The following MAP1S variants were observed in gnomAD, a reference collection of about 807,000 sequenced individuals.
MAP1S encodes microtubule associated protein 1S.
Under a neutral mutation model 60.9 loss-of-function variants are expected in MAP1S, and 27 were observed. The observed-to-expected ratio is 0.44, with a 90% CI of 0.33 to 0.61. MAP1S has a LOEUF of 0.61. Among genes scored for constraint, MAP1S ranks in the 20% least tolerant of loss-of-function variants. The pLI is 0.03. For synonymous variants in MAP1S, 826 were observed against 694.2 expected (o/e 1.19, Z -2.98); for missense variants, 1,608 against 1,486.6 (o/e 1.08, Z -1.34).
Position 17,727,798 on chromosome 19 carries a change from G to C in MAP1S, c.2414G>C (p.Gly805Ala), listed in dbSNP as rs1038950777. ...SDSDPVPLAP[G>A]AADSDEDTEG... ...TCGGATCCCGTGCCCCTGGCCCCCGGTGCGGCAGACTCAGACGAAGACACA... is the reference window on the plus strand; with the variant it reads ...TCGGATCCCGTGCCCCTGGCCCCCGCTGCGGCAGACTCAGACGAAGACACA... The change falls in exon 5 of 7, where the codon GGT becomes GCT. Residue 805 changes from glycine to alanine, a missense_variant. This residue lies in a region of MAP1S where 1,167 missense variants were observed against 961.4 expected (regional missense o/e 1.21). Coordinates refer to ENST00000324096, the MANE Select transcript of MAP1S (RefSeq NM_018174.6). This position sits in a 1 kb window ranked among gnomAD's most constrained non-coding sequence, Gnocchi z 4.1. The C allele has an allele frequency of 6.2e-7, 1 of 1,612,302 alleles. No homozygotes were observed. Among genetic ancestry groups the C allele is most frequent in the Non-Finnish European group, 8.5e-7 (1 of 1,179,476 alleles).
Position 17,727,469 on chromosome 19 carries a change from C to A in MAP1S, c.2085C>A (p.Asp695Glu). 6.2e-7 allele frequency: 1 copy of A among 1,608,250 alleles called. No homozygotes were observed. Among genetic ancestry groups the A allele is most frequent in the Non-Finnish European group, 8.5e-7 (1 of 1,177,876 alleles). ...EVGSPHSTEV[D>E]ESLSVSFEQV... ...GCTCCCCGCACTCGACCGAGGTGGACGAGTCCCTGTCGGTGTCCTTTGAGC... is the reference window on the plus strand; with the variant it reads ...GCTCCCCGCACTCGACCGAGGTGGAAGAGTCCCTGTCGGTGTCCTTTGAGC... Residue 695 changes from aspartate to glutamate, a missense_variant, in exon 5 of 7, where the codon GAC becomes GAA. Transcript: ENST00000324096. The surrounding 1 kb of genome is among the most constrained non-coding windows in gnomAD (Gnocchi z 4.1).
In MAP1S at chr19:17,729,566, C is replaced by T. The variant is rs560624447; in HGVS notation, c.2788+1394C>T. 1.2e-4 allele frequency among the ~76,000 whole-genome samples: 18 copies of T among 151,650 alleles called. No homozygotes were observed. In the South Asian group the frequency reaches 2.3e-3, roughly 19 times the overall value. On this transcript the variant is annotated intron_variant, in intron 5 of 6. Coordinates refer to ENST00000324096, the MANE Select transcript of MAP1S (RefSeq NM_018174.6). Reference sequence around the variant, plus strand: ...TGTCATCCAGGCTGGAGTGCAGTGGCGCAAACATGGCTCACTGCAGCCTCG... The same window carrying T: ...TGTCATCCAGGCTGGAGTGCAGTGGTGCAAACATGGCTCACTGCAGCCTCG...
intron 2 of MAP1S, 179 bp downstream of exon 2, chr19:17,721,216 G>C: frequency 1.6e-6 from 1 of 631,098 alleles, no homozygotes; most frequent in South Asian, 1.7e-5. Flanking sequence ...GCAACCCACA[G>C]TGCAGGAACT....
rs540976741 is a variant in MAP1S, at chr19:17,727,702, G to C, written c.2318G>C (p.Arg773Pro). The change falls in exon 5 of 7, where the codon CGG becomes CCG. Residue 773 changes from arginine to proline, a missense_variant. Physicochemically the swap from Arg to Pro is moderately radical, Grantham distance 103. Around this residue, in one of 4 missense-constraint regions of MAP1S, gnomAD observed 1,167 missense variants for 961.4 expected, o/e 1.21. Coordinates refer to ENST00000324096, the MANE Select transcript of MAP1S (RefSeq NM_018174.6). The surrounding 1 kb of genome is among the most constrained non-coding windows in gnomAD (Gnocchi z 4.1). The stretch of plus-strand genomic sequence containing the variant: ...GACAGCAGTGCCCGGTCACAGGAAC[G>C]GGCAGGTGGGCTGGGGGCCGAGGAG... ...SNDSSARSQE[R>P]AGGLGAEETP... 1.2e-6 allele frequency: 2 copies of C among 1,608,384 alleles called. No individual in the cohort carries two copies. The highest frequency in any genetic ancestry group is 1.7e-6 in the Non-Finnish European group (2 of 1,178,542).
chr19:17,727,145 A>C lies in MAP1S; in HGVS notation c.1761A>C (p.Arg587=). 2 of 1,590,602 alleles carry C rather than the reference A, an allele frequency of 1.3e-6. No homozygotes were observed. Among genetic ancestry groups the C allele is most frequent in the East Asian group, 4.6e-5 (2 of 43,868 alleles). The change falls in exon 5 of 7, where the codon CGA becomes CGC. Residue 587 remains arginine, a synonymous_variant. Transcript: ENST00000324096. The surrounding 1 kb of genome is among the most constrained non-coding windows in gnomAD (Gnocchi z 4.1). The part of the protein sequence containing the change: ...ANGPRSPPSL[R]CGEASPPSAA... ...GACCCCGCAGCCCGCCCAGCCTCCG[A>C]TGTGGAGAAGCCAGCCCCCCCAGTG... is the stretch of plus-strand genomic sequence containing the variant.
At position 17,726,417 on chromosome 19, in the gene MAP1S, G is replaced by A. The variant is rs1378788814; in HGVS notation, c.1033G>A (p.Ala345Thr). Residue 345 changes from alanine to threonine, a missense_variant, in exon 5 of 7, where the codon GCG becomes ACG. Physicochemically the swap from Ala to Thr is moderately conservative, Grantham distance 58. This residue lies in a region of MAP1S where 1,167 missense variants were observed against 961.4 expected (regional missense o/e 1.21). Coordinates refer to ENST00000324096, the MANE Select transcript of MAP1S (RefSeq NM_018174.6). ...GVVFFNACEA[A>T]SRLARGEDEA... is the part of the protein sequence containing the mutation. ...CGTGTTCTTCAACGCCTGCGAGGCC[G>A]CGTCGCGGCTGGCGCGCGGCGAGGA... 18 of 1,572,162 alleles carry A rather than the reference G, an allele frequency of 1.1e-5. No individual in the cohort carries two copies. The highest frequency in any genetic ancestry group is 1.3e-5 in the Non-Finnish European group (15 of 1,166,298).
rs890207617 is a variant in MAP1S, at chr19:17,727,104, C to T, written c.1720C>T (p.Pro574Ser). Reference sequence around the variant, plus strand: ...GCCCAGCACGTCCCACTCTGGCTTCCCGCCGGTGGCAAATGGACCCCGCAG... The same window carrying T: ...GCCCAGCACGTCCCACTCTGGCTTCTCGCCGGTGGCAAATGGACCCCGCAG... The part of the protein sequence containing the change: ...KAPSTSHSGF[P>S]PVANGPRSPP... Residue 574 changes from proline to serine, a missense_variant, in exon 5 of 7, where the codon CCG becomes TCG. Physicochemically the swap from Pro to Ser is moderately conservative, Grantham distance 74. Coordinates refer to ENST00000324096, the MANE Select transcript of MAP1S (RefSeq NM_018174.6). This position sits in a 1 kb window ranked among gnomAD's most constrained non-coding sequence, Gnocchi z 4.1. The T allele has an allele frequency of 6.2e-7, 1 of 1,601,112 alleles. No individual in the cohort carries two copies. Among genetic ancestry groups the T allele is most frequent in the Admixed American group, 1.7e-5 (1 of 59,188 alleles).
chr19:17,724,063 T>C (rs1032220523), intron 2 of MAP1S, 63 bp from the exon 3 acceptor site: 77 of 1,346,392 alleles, frequency 5.7e-5, no homozygotes, highest in Non-Finnish European at 8.0e-5. Flanking sequence ...GAGGGGTTCA[T>C]GTTCCCTGAG....
chr19:17,720,560 A>C (rs1336049582), intron 1 of MAP1S: 1 of 1,435,416 alleles, frequency 7.0e-7, no homozygotes, highest in African/African-American at 1.4e-5. Context: ...GAAGGTGCTG[A>C]GGGGGAAGGG....
At position 17,725,081 on chromosome 19, in the gene MAP1S, C is replaced by A; in HGVS notation, c.336C>A (p.His112Gln). Residue 112 changes from histidine (H) to glutamine (Q), a missense_variant, in exon 4 of 7, where the codon CAC (histidine) becomes CAA (glutamine). Physicochemically the swap from His to Gln is conservative, Grantham distance 24. This residue lies in a region of MAP1S where 320 missense variants were observed against 393.1 expected (regional missense o/e 0.81). Coordinates refer to ENST00000324096, the MANE Select transcript of MAP1S (RefSeq NM_018174.6). This position sits in a 1 kb window ranked among gnomAD's most constrained non-coding sequence, Gnocchi z 4.2. ...LRNLLLDPAS[H>Q]KLLVLAGPCL... The stretch of plus-strand genomic sequence containing the variant: ...ACCTTCTGTTGGACCCTGCCTCTCA[C>A]AAGCTACTGGTGTTGGCTGGGCCCT... 6.2e-7 allele frequency: 1 copy of A among 1,614,194 alleles called. No individual in the cohort carries two copies. The highest frequency in any genetic ancestry group is 8.5e-7 in the Non-Finnish European group (1 of 1,180,036).
chr19:17,726,788 G>T lies in MAP1S; in HGVS notation c.1404G>T (p.Gly468=). Residue 468 remains glycine, a synonymous_variant, in exon 5 of 7, where the codon GGG becomes GGT. Coordinates refer to ENST00000324096, the MANE Select transcript of MAP1S (RefSeq NM_018174.6). ...CGCCCCAGGACCTGGAGGGGCCGGG[G>T]CGAGCCGAGAGCAAAGAGAGCGTGG... ...VVTPQDLEGP[G]RAESKESVGS... The T allele has an allele frequency of 6.4e-7, 1 of 1,556,938 alleles. No homozygotes were observed.
chr19:17,727,273 C>T lies in MAP1S; in HGVS notation c.1889C>T (p.Ala630Val). ...EEKALELPLA[A>V]SSIPRPRTPS... ...AAGGCACTGGAGCTGCCTTTGGCCG[C>T]CAGCTCAATCCCAAGGCCACGCACA... Residue 630 changes from alanine (A) to valine (V), a missense_variant, in exon 5 of 7, where the codon GCC becomes GTC. Coordinates refer to ENST00000324096, the MANE Select transcript of MAP1S (RefSeq NM_018174.6). The surrounding 1 kb of genome is among the most constrained non-coding windows in gnomAD (Gnocchi z 4.1). 6.3e-7 allele frequency: 1 copy of T among 1,582,064 alleles called. No homozygotes were observed. Among genetic ancestry groups the T allele is most frequent in the Non-Finnish European group, 8.6e-7 (1 of 1,169,570 alleles).
Position 17,725,301 on chromosome 19 carries a change from C to A in MAP1S, c.444+112C>A. On this transcript the variant is annotated intron_variant, in intron 4 of 6. Coordinates refer to ENST00000324096, the MANE Select transcript of MAP1S (RefSeq NM_018174.6). This position sits in a 1 kb window ranked among gnomAD's most constrained non-coding sequence, Gnocchi z 4.2. ...GTTTTCCATGGCCTGGTCTCCCCAT[C>A]CTCTGTAGGATGGCAGTGGTGACAC... 1.5e-6 allele frequency: 2 copies of A among 1,293,204 alleles called. No homozygotes were observed. The highest frequency in any genetic ancestry group is 2.1e-6 in the Non-Finnish European group (2 of 946,576). 80.1% of individuals were successfully genotyped at this position (1,293,204 alleles called of 1,614,324 possible). A position where few individuals can be genotyped will look rare whatever the true frequency, so the allele number is the denominator to read the frequency against.
chr19:17,724,949 G>C, intron 3 of MAP1S, 100 bp from the exon 4 acceptor site: 1 of 1,463,914 alleles, frequency 6.8e-7, no homozygotes, highest in Non-Finnish European at 9.6e-7. Context: ...GTGAGGACAG[G>C]AGAGGGGTGG....
chr19:17,726,755 C>A lies in MAP1S; in HGVS notation c.1371C>A (p.Pro457=). 3 of 1,567,496 alleles carry A rather than the reference C, an allele frequency of 1.9e-6. No individual in the cohort carries two copies. The highest frequency in any genetic ancestry group is 2.6e-6 in the Non-Finnish European group (3 of 1,160,272). ...AGCACTTGAGGTTCCTGCGAGAGCCCGTGGTGACGCCCCAGGACCTGGAGG... is the reference window on the plus strand; with the variant it reads ...AGCACTTGAGGTTCCTGCGAGAGCCAGTGGTGACGCCCCAGGACCTGGAGG... The part of the protein sequence containing the change: ...RLQHLRFLRE[P]VVTPQDLEGP... The change falls in exon 5 of 7, where the codon CCC becomes CCA. Residue 457 remains proline (P), a synonymous_variant. Transcript: ENST00000324096.
At position 17,732,422 on chromosome 19, in the gene MAP1S, T is replaced by G. The variant is rs116146505; in HGVS notation, c.2789-771T>G. ...TGTGCCCGAGACCCAGCCGTATCCT[T>G]TCATTTCATTGATCATTCACTTGCC... On this transcript the variant is annotated intron_variant, in intron 5 of 6. Coordinates refer to ENST00000324096, the MANE Select transcript of MAP1S (RefSeq NM_018174.6). Among the ~76,000 whole-genome samples the G allele has an allele frequency of 4.1e-3, 628 of 152,270 alleles. 3 individuals are homozygous for G. The highest frequency in any genetic ancestry group is 0.017 in the Middle Eastern group (5 of 294).
At chr19:17,724,933 C>G (rs147934579) in intron 3 of MAP1S, 116 bp from the exon 4 acceptor site, 2 of 1,324,552 alleles carry the variant, frequency 1.5e-6, no homozygotes, top group Non-Finnish European at 2.2e-6. Flanking sequence ...CTGGGCTGGT[C>G]GTGGGGTGAG....
chr19:17,727,158 A>G lies in MAP1S; in HGVS notation c.1774A>G (p.Ser592Gly), dbSNP rs201719494. The G allele has an allele frequency of 6.3e-7, 1 of 1,588,210 alleles. No homozygotes were observed. Residue 592 changes from serine to glycine, a missense_variant, in exon 5 of 7, where the codon AGC becomes GGC. Ser to Gly is a moderately conservative substitution (Grantham distance 56). Transcript: ENST00000324096. The surrounding 1 kb of genome is among the most constrained non-coding windows in gnomAD (Gnocchi z 4.1). ...GCCCAGCCTCCGATGTGGAGAAGCC[A>G]GCCCCCCCAGTGCAGCCTGCGGCTC... is the stretch of plus-strand genomic sequence containing the variant. ...SPPSLRCGEASPPSAACGSPA... is the reference protein window; with the variant it reads ...SPPSLRCGEAGPPSAACGSPA...
chr19:17,731,097 G>A lies in MAP1S; in HGVS notation c.2789-2096G>A, dbSNP rs185655780. On this transcript the variant is annotated intron_variant, in intron 5 of 6. Transcript: ENST00000324096. Reference sequence around the variant, plus strand: ...TTTAGTAGACACGGGGTTTCACCACGTTGGCCAGGCTGGTTTCAAACTCCT... The same window carrying A: ...TTTAGTAGACACGGGGTTTCACCACATTGGCCAGGCTGGTTTCAAACTCCT... 9.2e-5 allele frequency among the ~76,000 whole-genome samples: 14 copies of A among 151,976 alleles called. No individual in the cohort carries two copies. The East Asian group carries it at 9.7e-4, about 10-fold the overall frequency.
Sources: gnomAD v4.1 joint callset for allele counts (sites outside exome capture counted in the v4.1 genomes callset) on GRCh38, gnomAD v4.1.1 for gene constraint, gnomAD v4.1.1 regional missense constraint, Gnocchi (gnomAD v3.1) non-coding constraint, MANE v1.5 for transcripts, NCBI Gene and HGNC (gene_info 2026-07-23, HGNC 2026-07-21) for gene names.